IL16: variants seen among roughly 807,000 people sequenced by gnomAD.
IL16 encodes interleukin 16, also known as pro-interleukin-16.
In IL16, 67 loss-of-function variants were observed where a neutral mutation model predicts 110.1. That is an observed-to-expected ratio of 0.61 (90% CI 0.50 to 0.75). IL16 has a LOEUF of 0.75. Ranked by LOEUF, IL16 falls within the 30% of genes least tolerant of loss-of-function variation. The pLI is 0.00. For synonymous variants in IL16, 689 were observed against 662.9 expected (o/e 1.04, Z -0.61); for missense variants, 1,545 against 1,655.0 (o/e 0.93, Z 1.15).
At chr15:81,188,548 G>C in intron 1 of IL16, 1 of 426,202 alleles carries the variant, frequency 2.3e-6, no homozygotes, top group East Asian at 7.0e-5. Context: ...AGCAGCCCAG[G>C]GGATAGGTAC....
chr15:81,293,896 G>A (rs1482903750), intron 12 of IL16, among the ~76,000 whole-genome samples: 1 of 152,190 alleles, frequency 6.6e-6, no homozygotes, highest in Non-Finnish European at 1.5e-5. Context: ...GATGGTGAGA[G>A]TCCCAGTTGT....
chr15:81,300,128 C>G lies in IL16; in HGVS notation c.2802C>G (p.Leu934=), dbSNP rs1301028038. 1 of 1,599,338 alleles carries G rather than the reference C, an allele frequency of 6.3e-7. No homozygotes were observed. The highest frequency in any genetic ancestry group is 8.5e-7 in the Non-Finnish European group (1 of 1,172,260). ...GGCGGCAGCCCAATCAGAAAACTCT[C>G]CCCCCTGGCCCGGACCCGCTCCTAA... ...PPGRQPNQKT[L]PPGPDPLLRL... The change falls in exon 14 of 19, where the codon CTC becomes CTG. Residue 934 remains leucine, a synonymous_variant. Coordinates refer to ENST00000683961, the MANE Select transcript of IL16 (RefSeq NM_172217.5).
At position 81,292,700 on chromosome 15, in the gene IL16, G is replaced by A. The variant is rs1345931946; in HGVS notation, c.1565G>A (p.Gly522Glu). 1.4e-5 allele frequency: 23 copies of A among 1,614,054 alleles called. No individual in the cohort carries two copies. The highest frequency in any genetic ancestry group is 1.9e-5 in the Non-Finnish European group (23 of 1,180,028). The change falls in exon 12 of 19, where the codon GGG (glycine) becomes GAG (glutamate). Residue 522 changes from glycine to glutamate, a missense_variant. Gly to Glu is a moderately conservative substitution (Grantham distance 98). Transcript: ENST00000683961. Reference sequence around the variant, plus strand: ...AGCAGCTACATGTCTGGGTCCCCAGGGGGAAGTCCTGGGAGTGGCAGTGCT... The same window carrying A: ...AGCAGCTACATGTCTGGGTCCCCAGAGGGAAGTCCTGGGAGTGGCAGTGCT... ...SDSSYMSGSP[G>E]GSPGSGSAEK...
At chr15:81,308,532 A>G in intron 18 of IL16, 73 bp from the exon 19 acceptor site, 1 of 1,110,720 alleles carries the variant, frequency 9.0e-7, no homozygotes. Context: ...GGCTCTTTGG[A>G]GATCAAGGAG....
intron 2 of IL16, among the ~76,000 whole-genome samples, chr15:81,247,709 G>A (rs1897616388): frequency 6.6e-6 from 1 of 152,032 alleles, no homozygotes; most frequent in South Asian, 2.1e-4. Flanking sequence ...AGATACCAAA[G>A]TGCTCCCTCG....
intron 3 of IL16, among the ~76,000 whole-genome samples, chr15:81,265,321 C>T (rs576652214): frequency 6.6e-6 from 1 of 152,208 alleles, no homozygotes; most frequent in Admixed American, 6.5e-5. Flanking sequence ...TTGAAAACAC[C>T]GGGGCCTGGA....
At position 81,301,417 on chromosome 15, in the gene IL16, C is replaced by G. The variant is rs916106448; in HGVS notation, c.3223C>G (p.Leu1075Val). 32 of 1,614,084 alleles carry G rather than the reference C, an allele frequency of 2.0e-5. No individual in the cohort carries two copies. Among genetic ancestry groups the G allele is most frequent in the Non-Finnish European group, 2.7e-5 (32 of 1,179,962 alleles). Reference sequence around the variant, plus strand: ...AGACGATGATGGGGACCACAGTTCCCTTCAGTCTGGTCAGTCCGTTATCTC... The same window carrying G: ...AGACGATGATGGGGACCACAGTTCCGTTCAGTCTGGTCAGTCCGTTATCTC... ...KEDDDGDHSS[L>V]QSGQSVISLL... Residue 1075 changes from leucine to valine, a missense_variant, in exon 15 of 19, where the codon CTT (leucine) becomes GTT (valine). Leu to Val is a conservative substitution (Grantham distance 32). This residue lies in a region of IL16 where 356 missense variants were observed against 399.3 expected (regional missense o/e 0.89). Coordinates refer to ENST00000683961, the MANE Select transcript of IL16 (RefSeq NM_172217.5).
chr15:81,293,752 C>T (rs1467197756), intron 12 of IL16, among the ~76,000 whole-genome samples: 2 of 152,200 alleles, frequency 1.3e-5, no homozygotes, highest in African/African-American at 2.4e-5. Context: ...CCCCTTAAAG[C>T]CCTCCTTTCC....
chr15:81,223,199 C>A (rs1279458233), intron 1 of IL16, among the ~76,000 whole-genome samples: 1 of 152,098 alleles, frequency 6.6e-6, no homozygotes, highest in African/African-American at 2.4e-5. Context: ...ACAACAGTTT[C>A]AGTGGCTGTA....
intron 2 of IL16, among the ~76,000 whole-genome samples, chr15:81,232,222 TTTGA>T (rs1431126137): frequency 5.3e-5 from 8 of 152,146 alleles, no homozygotes; most frequent in East Asian, 1.9e-4. Context: ...TTCTGCAAAG[TTTGA>T]TTGGAGATTT....
chr15:81,263,356 GT>G (rs35967550), intron 3 of IL16, among the ~76,000 whole-genome samples: 2,294 of 126,788 alleles, frequency 0.018, 49 homozygotes, highest in African/African-American at 0.056. Flanking sequence ...ATTTTTTTTT[GT>G]TTTTTTTTTT....
At chr15:81,258,468 A>G (rs1898027165) in intron 2 of IL16, among the ~76,000 whole-genome samples, 1 of 152,166 alleles carries the variant, frequency 6.6e-6, no homozygotes, top group Non-Finnish European at 1.5e-5. Context: ...TGGGAGGCTG[A>G]GGTGGGAGGA....
intron 4 of IL16, among the ~76,000 whole-genome samples, 156 bp downstream of exon 4, chr15:81,265,957 A>G (rs1442069278): frequency 8.5e-5 from 13 of 152,056 alleles, no homozygotes; most frequent in Non-Finnish European, 5.9e-5. Flanking sequence ...AGAAGGTACA[A>G]CCATCTCTGG....
chr15:81,216,377 G>A (rs555725315), intron 1 of IL16, among the ~76,000 whole-genome samples: 1 of 152,140 alleles, frequency 6.6e-6, no homozygotes, highest in Non-Finnish European at 1.5e-5. Context: ...GAGCTGTTTG[G>A]GCCAGGAACT....
At chr15:81,279,297 A>G (rs1011456759) in intron 7 of IL16, among the ~76,000 whole-genome samples, 18 of 152,036 alleles carry the variant, frequency 1.2e-4, no homozygotes, top group African/African-American at 4.4e-4. Flanking sequence ...CCATCTATCT[A>G]TCCATCCATC....
intron 2 of IL16, among the ~76,000 whole-genome samples, chr15:81,230,842 A>C (rs73499351): frequency 6.6e-6 from 1 of 152,114 alleles, no homozygotes; most frequent in African/African-American, 2.4e-5. Context: ...CCACCTCTCC[A>C]GGAGGCTCAG....
chr15:81,206,421 A>G (rs1896019135), intron 1 of IL16, among the ~76,000 whole-genome samples: 1 of 152,240 alleles, frequency 6.6e-6, no homozygotes, highest in Admixed American at 6.5e-5. Context: ...TGGGACCACT[A>G]TCATATAAGC....
At position 81,303,064 on chromosome 15, in the gene IL16, T is replaced by C. The variant is rs571413183; in HGVS notation, c.3319-485T>C. Among the ~76,000 whole-genome samples, 5 of 151,886 alleles carry C rather than the reference T, an allele frequency of 3.3e-5. No individual in the cohort carries two copies. The highest frequency in any genetic ancestry group is 1.2e-4 in the African/African-American group (5 of 41,224). On this transcript the variant is annotated intron_variant, in intron 15 of 18. Transcript: ENST00000683961. This position sits in a 1 kb window ranked among gnomAD's most constrained non-coding sequence, Gnocchi z 4.1. Reference sequence around the variant, plus strand: ...GTGTGTCACACTTGCACACTGTGCATTGGGGCAGGATGTTAGCTGGGCTTC... The same window carrying C: ...GTGTGTCACACTTGCACACTGTGCACTGGGGCAGGATGTTAGCTGGGCTTC...
At chr15:81,241,071 T>G (rs1279493168) in intron 2 of IL16, among the ~76,000 whole-genome samples, 1 of 152,118 alleles carries the variant, frequency 6.6e-6, no homozygotes, top group African/African-American at 2.4e-5. Flanking sequence ...TCCCCACAGA[T>G]CTAAAGTATT....
Sources: gnomAD v4.1 joint callset for allele counts (sites outside exome capture counted in the v4.1 genomes callset) on GRCh38, gnomAD v4.1.1 for gene constraint, gnomAD v4.1.1 regional missense constraint, Gnocchi (gnomAD v3.1) non-coding constraint, MANE v1.5 for transcripts, NCBI Gene and HGNC (gene_info 2026-07-23, HGNC 2026-07-21) for gene names.